Variants in COBLL1 observed in about 807,000 individuals in gnomAD.
COBLL1 encodes cordon-bleu WH2 repeat protein like 1, also known as cordon-bleu protein-like 1.
COBLL1 carries 50 observed loss-of-function variants against 94.8 expected under a neutral mutation model. The ratio of observed to expected loss-of-function variants is 0.53; its 90% confidence interval spans 0.42 to 0.67. The LOEUF (loss-of-function observed/expected upper bound fraction) is 0.67. Among genes scored for constraint, COBLL1 ranks in the 30% least tolerant of loss-of-function variants. The probability of loss-of-function intolerance (pLI) is 0.00; values close to 1 mark genes in which losing one functional copy is unlikely to be tolerated. For synonymous variants in COBLL1, 448 were observed against 473.8 expected, an observed-to-expected ratio of 0.95 and a Z score of 0.71; for missense variants, 1,362 against 1,348.7, an observed-to-expected ratio of 1.01 and a Z score of -0.15.
intron 2 of COBLL1, among the ~76,000 whole-genome samples, chr2:164,817,697 A>G (rs1015305513): frequency 6.6e-6 from 1 of 151,568 alleles, no homozygotes. Context: ...TCTACATACC[A>G]CTCCTGGGAT....
chr2:164,754,802 T>C (rs941378010), intron 2 of COBLL1, among the ~76,000 whole-genome samples: 8 of 152,200 alleles, frequency 5.3e-5, no homozygotes, highest in African/African-American at 1.9e-4. Context: ...TGTAAATCCT[T>C]TTGTTCAATA....
intron 2 of COBLL1, among the ~76,000 whole-genome samples, chr2:164,746,575 T>C (rs998486193): frequency 1.3e-5 from 2 of 151,912 alleles, no homozygotes; most frequent in Admixed American, 6.6e-5. Flanking sequence ...ATACCCCCAA[T>C]AAACCCATCA....
At chr2:164,740,369 C>T (rs1410813460) in intron 3 of COBLL1, among the ~76,000 whole-genome samples, 1 of 151,982 alleles carries the variant, frequency 6.6e-6, no homozygotes, top group African/African-American at 2.4e-5. Flanking sequence ...AACAAACAAA[C>T]AAACAAAAAC....
downstream of COBLL1, among the ~76,000 whole-genome samples, chr2:164,676,122 ATATT>A: frequency 6.6e-6 from 1 of 152,230 alleles, no homozygotes; most frequent in Non-Finnish European, 1.5e-5. Flanking sequence ...TAACATTTAA[ATATT>A]TAAGAGAAAT....
At chr2:164,714,052 AAAG>A (rs139223295) in intron 7 of COBLL1, among the ~76,000 whole-genome samples, 2,117 of 152,208 alleles carry the variant, frequency 0.014, 40 homozygotes, top group African/African-American at 0.048. Context: ...TGACAACGGC[AAAG>A]AAGAAGATAA....
chr2:164,739,485 T>C (rs138541322), intron 3 of COBLL1, among the ~76,000 whole-genome samples: 1 of 152,234 alleles, frequency 6.6e-6, no homozygotes, highest in Non-Finnish European at 1.5e-5. Context: ...CTGAGGCATA[T>C]AAGTTTCTGA....
Position 164,737,619 on chromosome 2 carries a change from CAT to C in COBLL1, c.230+6066_230+6067del, listed in dbSNP as rs200207433. 8.8e-3 allele frequency among the ~76,000 whole-genome samples: 1,343 copies of C among 152,216 alleles called. 10 individuals carry two copies. Among genetic ancestry groups the C allele is most frequent in the Non-Finnish European group, 0.013 (914 of 68,018 alleles). ...TAAAAAAAAATTACCCTGCTATAAA[CAT>C]ATATTTATCACACATTTGTCATCAC... On this transcript the variant is annotated intron_variant, in intron 3 of 13. Coordinates refer to ENST00000652658, the MANE Select transcript of COBLL1 (RefSeq NM_001365672.2).
At chr2:164,725,103 T>C (rs1211955729) in intron 5 of COBLL1, 1 of 81,784 alleles carries the variant, frequency 1.2e-5, no homozygotes, top group African/African-American at 7.5e-5. Flanking sequence ...CCCTGCAGGA[T>C]ATATATATAT....
At chr2:164,714,775 G>A (rs986650124) in intron 7 of COBLL1, among the ~76,000 whole-genome samples, 10 of 152,110 alleles carry the variant, frequency 6.6e-5, no homozygotes, top group African/African-American at 2.4e-4. Flanking sequence ...CAGAGATAGA[G>A]AGGCTAAGTA....
Position 164,695,298 on chromosome 2 carries a change from A to G in COBLL1, c.2094T>C (p.Ala698=), listed in dbSNP as rs1338994524. The change falls in exon 12 of 14, where the codon GCT becomes GCC. Residue 698 remains alanine (A), a synonymous_variant. Transcript: ENST00000652658. ...AAAGTGGGTAATTCTTTAGGTAAGAAGCAGTGGAATTTTTGTCAATCCTAT... is the reference window on the plus strand; with the variant it reads ...AAAGTGGGTAATTCTTTAGGTAAGAGGCAGTGGAATTTTTGTCAATCCTAT... The part of the protein sequence containing the change: ...PVDRIDKNST[A]SYLKNYPLYR... 1.2e-6 allele frequency: 2 copies of G among 1,613,946 alleles called. No individual in the cohort carries two copies. Among genetic ancestry groups the G allele is most frequent in the Middle Eastern group, 1.7e-4 (1 of 6,058 alleles).
At chr2:164,672,562 G>A (rs917141728) in intron 1 of COBLL1, among the ~76,000 whole-genome samples, 100 of 151,810 alleles carry the variant, frequency 6.6e-4, no homozygotes, top group African/African-American at 2.2e-3. Flanking sequence ...AGCCGGGCGC[G>A]GTGGCGGGCG....
At chr2:164,808,386 T>A (rs1425302534) in intron 2 of COBLL1, among the ~76,000 whole-genome samples, 1 of 152,148 alleles carries the variant, frequency 6.6e-6, no homozygotes, top group Non-Finnish European at 1.5e-5. Flanking sequence ...AATTTTTGAG[T>A]CTAGTTCTAA....
intron 2 of COBLL1, among the ~76,000 whole-genome samples, chr2:164,810,466 G>A (rs181495349): frequency 1.3e-5 from 2 of 151,512 alleles, no homozygotes; most frequent in Admixed American, 6.6e-5. Context: ...ATATTAAAAT[G>A]TTGATTGTTA....
At chr2:164,658,383 A>C (rs1691012321) in intron 2 of COBLL1, among the ~76,000 whole-genome samples, 1 of 152,126 alleles carries the variant, frequency 6.6e-6, no homozygotes, top group Admixed American at 6.5e-5. Context: ...CTTCAATGTC[A>C]TTAACATCAG....
intron 2 of COBLL1, among the ~76,000 whole-genome samples, chr2:164,664,037 T>C (rs1464842051): frequency 6.6e-6 from 1 of 152,154 alleles, no homozygotes; most frequent in Admixed American, 6.6e-5. Flanking sequence ...ACAATCAGAG[T>C]TATTGGAGAC....
intron 2 of COBLL1, among the ~76,000 whole-genome samples, chr2:164,805,819 A>G (rs1259182529): frequency 1.3e-5 from 2 of 152,120 alleles, no homozygotes; most frequent in Non-Finnish European, 1.5e-5. Flanking sequence ...GTGTGGACTT[A>G]AGTTTTCAGT....
In COBLL1 at chr2:164,841,372, G is replaced by C; in HGVS notation, c.-50-126C>G. 8.4e-7 allele frequency: 1 copy of C among 1,183,776 alleles called. No homozygotes were observed. The highest frequency in any genetic ancestry group is 1.0e-6 in the Non-Finnish European group (1 of 957,612). 73.3% of individuals were successfully genotyped at this position (1,183,776 alleles called of 1,614,324 possible). A position where few individuals can be genotyped will look rare whatever the true frequency, so the allele number is the denominator to read the frequency against. ...CCCGGCCGGCCCGCCTCCCGGGTGC[G>C]CTTCCACCTGCGGGCCCCGGCTCCC... On this transcript the variant is annotated intron_variant, in intron 1 of 13. Transcript: ENST00000652658. The surrounding 1 kb of genome is among the most constrained non-coding windows in gnomAD (Gnocchi z 5.5).
intron 2 of COBLL1, among the ~76,000 whole-genome samples, chr2:164,754,999 C>A (rs1013739062): frequency 6.6e-6 from 1 of 151,978 alleles, no homozygotes; most frequent in Non-Finnish European, 1.5e-5. Flanking sequence ...TTCATCTCTA[C>A]CAAACAAATT....
At chr2:164,775,618 A>G (rs1055371002) in intron 2 of COBLL1, among the ~76,000 whole-genome samples, 1 of 152,098 alleles carries the variant, frequency 6.6e-6, no homozygotes, top group African/African-American at 2.4e-5. Flanking sequence ...GTGTGCCACC[A>G]GGCCCAGCTA....
Sources: allele counts gnomAD v4.1 joint callset (sites outside exome capture counted in the v4.1 genomes callset), GRCh38; gene constraint gnomAD v4.1.1; non-coding constraint Gnocchi (gnomAD v3.1); transcripts MANE v1.5; gene names NCBI Gene and HGNC (gene_info 2026-07-23, HGNC 2026-07-21).